Variants in MICU1 observed in about 807,000 individuals in gnomAD.
MICU1 encodes the protein mitochondrial calcium uptake 1.
In MICU1, 45 loss-of-function variants were observed where a neutral mutation model predicts 56.8. The observed-to-expected ratio is 0.79, with a 90% CI of 0.62 to 1.02. The LOEUF is 1.02. Among genes scored for constraint, MICU1 ranks in the 50% least tolerant of loss-of-function variants. The pLI, the probability that MICU1 is intolerant of heterozygous loss-of-function variation, is 0.00. For missense variants in MICU1, 504 were observed against 587.1 expected, an observed-to-expected ratio of 0.86 and a Z score of 1.46; for synonymous variants, 186 against 195.1, an observed-to-expected ratio of 0.95 and a Z score of 0.39.
At chr10:72,496,709 T>G (rs891686724) in intron 6 of MICU1, among the ~76,000 whole-genome samples, 4 of 152,192 alleles carry the variant, frequency 2.6e-5, no homozygotes, top group Non-Finnish European at 4.4e-5. Flanking sequence ...GTGCTGGGAT[T>G]ACAGGCGTGA....
At chr10:72,436,566 C>T (rs796162839) in intron 8 of MICU1, among the ~76,000 whole-genome samples, 3 of 152,260 alleles carry the variant, frequency 2.0e-5, no homozygotes, top group Admixed American at 6.5e-5. Flanking sequence ...ATGACTTTGA[C>T]GAGTTGACAG....
intron 3 of MICU1, chr10:72,560,345 G>GA (rs1371108296): frequency 2.0e-5 from 3 of 152,078 alleles, no homozygotes; most frequent in African/African-American, 7.2e-5. Flanking sequence ...GCTAAGGGAA[G>GA]AACATGCTAT....
At chr10:72,437,783 G>T (rs1419101950) in intron 8 of MICU1, among the ~76,000 whole-genome samples, 1 of 152,062 alleles carries the variant, frequency 6.6e-6, no homozygotes, top group Non-Finnish European at 1.5e-5. Context: ...AACCAACAAA[G>T]ATCAAAAGAG....
chr10:72,387,078 A>G (rs1238744125), intron 10 of MICU1, among the ~76,000 whole-genome samples: 1 of 152,246 alleles, frequency 6.6e-6, no homozygotes, highest in Non-Finnish European at 1.5e-5. Context: ...TTTCACATAA[A>G]CAAGTTGGGC....
In MICU1 at chr10:72,371,028, C is replaced by T. The variant is rs144296649; in HGVS notation, c.1271-2673G>A. 1.9e-4 allele frequency among the ~76,000 whole-genome samples: 28 copies of T among 149,730 alleles called. No individual in the cohort carries two copies. The East Asian group carries it at 5.5e-3, about 29-fold the overall frequency. ...CCTGGGTGACAGAGTCAGACTCTGT[C>T]TCAAAAAAAAAGAAATTGTACTTTT... On this transcript the variant is annotated intron_variant, in intron 11 of 11. Coordinates refer to ENST00000361114, the MANE Select transcript of MICU1 (RefSeq NM_001195518.2).
intron 3 of MICU1, among the ~76,000 whole-genome samples, chr10:72,559,786 C>G (rs1259997826): frequency 6.6e-6 from 1 of 152,152 alleles, no homozygotes. Flanking sequence ...GGTACTGGTC[C>G]GGGGCCTGTT....
Position 72,560,038 on chromosome 10 carries a change from C to G in MICU1, c.330+2857G>C, listed in dbSNP as rs147913979. ...TGGTCTGCAGGAAAACTGTCTTCCA[C>G]AAAACCAGTCCCTGGTGCCAAAAAG... On this transcript the variant is annotated intron_variant, in intron 3 of 11. Transcript: ENST00000361114. Among the ~76,000 whole-genome samples the G allele has an allele frequency of 2.9e-3, 438 of 152,234 alleles. 2 individuals carry two copies. The highest frequency in any genetic ancestry group is 0.01 in the African/African-American group (424 of 41,532).
chr10:72,513,247 T>C (rs150912693), intron 5 of MICU1, among the ~76,000 whole-genome samples: 56 of 152,288 alleles, frequency 3.7e-4, no homozygotes, highest in East Asian at 2.7e-3. Flanking sequence ...ATTATAACCA[T>C]CCTCATGGAT....
rs757632383 is a variant in MICU1 at position 72,566,729 on chromosome 10, C to T, written c.65G>A (p.Gly22Glu). 1 of 1,612,790 alleles carries T rather than the reference C, an allele frequency of 6.2e-7. No homozygotes were observed. Among genetic ancestry groups the T allele is most frequent in the Non-Finnish European group, 8.5e-7 (1 of 1,179,334 alleles). The stretch of plus-strand genomic sequence containing the variant: ...CCGGATCTGGATGGGCTGTGATCCT[C>T]CATGGTACCATCGAGAACCCACAGC... ...ELAVGSRWYH[G>E]GSQPIQIRRR... Residue 22 changes from glycine (G) to glutamate (E), a missense_variant, in exon 2 of 12, where the codon GGA becomes GAA. Coordinates refer to ENST00000361114, the MANE Select transcript of MICU1 (RefSeq NM_001195518.2).
intron 1 of MICU1, among the ~76,000 whole-genome samples, chr10:72,587,579 G>A (rs1841098028): frequency 6.6e-6 from 1 of 151,752 alleles, no homozygotes; most frequent in South Asian, 2.1e-4. Context: ...AGATCAGCCT[G>A]AGCAACATGG....
chr10:72,456,849 TTGTGTGTGTGTGTGTGTGTG>T (rs56262647), intron 8 of MICU1, among the ~76,000 whole-genome samples: 5,107 of 134,622 alleles, frequency 0.038, 170 homozygotes, highest in Non-Finnish European at 0.05. Context: ...CGGGCTCATT[TTGTGTGTGTGTGTGTGTGTG>T]TGTGTGTGTG....
At chr10:72,403,859 G>A (rs921848678) in intron 10 of MICU1, among the ~76,000 whole-genome samples, 5 of 151,874 alleles carry the variant, frequency 3.3e-5, no homozygotes, top group Non-Finnish European at 7.4e-5. Flanking sequence ...GTTTCACTGT[G>A]TTAGCCAGGA....
intron 9 of MICU1, among the ~76,000 whole-genome samples, chr10:72,422,463 C>T (rs1209211787): frequency 6.6e-6 from 1 of 152,196 alleles, no homozygotes; most frequent in Non-Finnish European, 1.5e-5. Context: ...TTCCCACTTT[C>T]CAGAGCCTCC....
chr10:72,407,032 A>G (rs1863654621), intron 10 of MICU1, among the ~76,000 whole-genome samples: 1 of 152,238 alleles, frequency 6.6e-6, no homozygotes, highest in Non-Finnish European at 1.5e-5. Flanking sequence ...ACGAGTGTAC[A>G]TTTATATAAT....
rs537050471 is a variant in MICU1, at chr10:72,543,849, C to CA, written c.493+7329dup. ...TGGGTGACATAGCGAGACCCTGTCT[C>CA]AAAAAAAAAAAAGGATACTTAGGGT... On this transcript the variant is annotated intron_variant, in intron 4 of 11. Coordinates refer to ENST00000361114, the MANE Select transcript of MICU1 (RefSeq NM_001195518.2). 9.6e-4 allele frequency among the ~76,000 whole-genome samples: 130 copies of CA among 135,574 alleles called. No individual in the cohort carries two copies. In the South Asian group the frequency reaches 0.012, roughly 12 times the overall value. The allele number at this position is 135,574 out of a possible 152,430, so 88.9% of individuals were successfully genotyped here. A position where few individuals can be genotyped will look rare whatever the true frequency, so the allele number is the denominator to read the frequency against.
At chr10:72,401,817 C>T (rs991748747) in intron 10 of MICU1, among the ~76,000 whole-genome samples, 4 of 152,116 alleles carry the variant, frequency 2.6e-5, no homozygotes, top group African/African-American at 9.7e-5. Context: ...AGAACTATTT[C>T]ATCCTGCCTA....
rs78064180 is a variant in MICU1 at position 72,468,831 on chromosome 10, T to C, written c.933+6269A>G. ...AGGTAGACTGTACATATTCCAGAAA[T>C]TTGGTCTTTTTCTGTCTCTAAAATT... is the stretch of plus-strand genomic sequence containing the variant. On this transcript the variant is annotated intron_variant, in intron 8 of 11. Transcript: ENST00000361114. Among the ~76,000 whole-genome samples, 828 of 152,330 alleles carry C rather than the reference T, an allele frequency of 5.4e-3. 5 individuals carry two copies. The highest frequency in any genetic ancestry group is 0.027 in the East Asian group (141 of 5,188).
intron 8 of MICU1, among the ~76,000 whole-genome samples, chr10:72,443,254 T>C (rs1392345208): frequency 2.0e-5 from 3 of 152,180 alleles, no homozygotes; most frequent in African/African-American, 4.8e-5. Context: ...GAGTTCATTG[T>C]AGATTCTGGA....
At chr10:72,624,276 C>A (rs181655827) in intron 1 of MICU1, among the ~76,000 whole-genome samples, 1 of 152,286 alleles carries the variant, frequency 6.6e-6, no homozygotes, top group East Asian at 1.9e-4. Flanking sequence ...CTCACTGCAG[C>A]CTCAACCTCG....
Sources: gnomAD v4.1 joint callset for allele counts (sites outside exome capture counted in the v4.1 genomes callset) on GRCh38, gnomAD v4.1.1 for gene constraint, MANE v1.5 for transcripts, NCBI Gene and HGNC (gene_info 2026-07-23, HGNC 2026-07-21) for gene names.